Variants in PTPRM observed in about 807,000 individuals in gnomAD.
PTPRM encodes the protein receptor-type tyrosine-protein phosphatase mu.
A neutral mutation model predicts 186.7 loss-of-function variants in PTPRM; 47 were observed. That is an observed-to-expected ratio of 0.25 (90% confidence interval 0.20 to 0.32). The LOEUF (loss-of-function observed/expected upper bound fraction) is 0.32, where lower values mean the gene tolerates loss of function less well. Ranked by LOEUF, PTPRM falls within the 10% of genes least tolerant of loss-of-function variation. PTPRM has a pLI of 1.00. For synonymous variants in PTPRM, 668 were observed against 674.9 expected, an observed-to-expected ratio of 0.99 and a Z score of 0.16; for missense variants, 1,494 against 1,865.0, an observed-to-expected ratio of 0.80 and a Z score of 3.66.
chr18:8,278,491 T>C (rs912857792), intron 19 of PTPRM, among the ~76,000 whole-genome samples: 11 of 152,212 alleles, frequency 7.2e-5, no homozygotes, highest in African/African-American at 2.7e-4. Flanking sequence ...TCATTAAACC[T>C]CACCCTTCAC....
At chr18:7,815,138 A>T (rs2044741351) in intron 2 of PTPRM, 1 of 152,224 alleles carries the variant, frequency 6.6e-6, no homozygotes, top group African/African-American at 2.4e-5. Context: ...ACCCAACATG[A>T]TTGCCTAGCC....
At chr18:8,250,218 A>G (rs72911291) in intron 17 of PTPRM, among the ~76,000 whole-genome samples, 6,602 of 152,192 alleles carry the variant, frequency 0.043, 190 homozygotes, top group Non-Finnish European at 0.07. Context: ...GCTTGCAAAA[A>G]TGTAGATGAT....
chr18:8,055,339 A>C (rs1024868175), intron 7 of PTPRM, among the ~76,000 whole-genome samples: 1 of 151,882 alleles, frequency 6.6e-6, no homozygotes, highest in African/African-American at 2.4e-5. Flanking sequence ...TTTCTGTGCT[A>C]CATTCTAGAT....
At chr18:7,627,680 A>T (rs2038093878) in intron 1 of PTPRM, among the ~76,000 whole-genome samples, 1 of 152,242 alleles carries the variant, frequency 6.6e-6, no homozygotes, top group African/African-American at 2.4e-5. Context: ...CACCAGAGGC[A>T]TGGGAGTTGA....
intron 31 of PTPRM, among the ~76,000 whole-genome samples, chr18:8,392,160 G>A (rs1026427828): frequency 1.3e-5 from 2 of 152,036 alleles, no homozygotes; most frequent in African/African-American, 4.8e-5. Flanking sequence ...CCTAGATGTG[G>A]ATTTTTTAAA....
rs184032592 is a variant in PTPRM, at chr18:8,137,054, G to A, written c.2168-6593G>A. 3.9e-3 allele frequency among the ~76,000 whole-genome samples: 588 copies of A among 152,286 alleles called. 2 individuals carry two copies. Among genetic ancestry groups the A allele is most frequent in the African/African-American group, 0.013 (560 of 41,550 alleles). On this transcript the variant is annotated intron_variant, in intron 13 of 32. Coordinates refer to ENST00000580170, the MANE Select transcript of PTPRM (RefSeq NM_001105244.2). ...TTATCTTTTGGGACCAGTGCTCTTT[G>A]AAACGCACTTGAAGGAACAATATTT... is the stretch of plus-strand genomic sequence containing the variant.
intron 14 of PTPRM, among the ~76,000 whole-genome samples, chr18:8,161,552 A>G (rs1296526330): frequency 6.6e-6 from 1 of 152,130 alleles, no homozygotes; most frequent in Non-Finnish European, 1.5e-5. Context: ...TAAGTGTTCT[A>G]ACTTTTTGGT....
intron 14 of PTPRM, among the ~76,000 whole-genome samples, chr18:8,173,580 C>T (rs534438452): frequency 6.6e-5 from 10 of 152,180 alleles, no homozygotes; most frequent in Non-Finnish European, 1.3e-4. Context: ...ACAATTGACA[C>T]GAGGTCGGCT....
chr18:7,583,391 GGCTACA>G (rs1329477869), intron 1 of PTPRM, among the ~76,000 whole-genome samples: 1 of 152,152 alleles, frequency 6.6e-6, no homozygotes, highest in African/African-American at 2.4e-5. Flanking sequence ...CATGGACAGT[GGCTACA>G]GCTGATTTTA....
intron 1 of PTPRM, among the ~76,000 whole-genome samples, chr18:7,573,727 T>G (rs1235162160): frequency 6.6e-6 from 1 of 152,012 alleles, no homozygotes; most frequent in African/African-American, 2.4e-5. Flanking sequence ...GTGGCTGGAA[T>G]TACAGGTGCC....
At position 8,114,679 on chromosome 18, in the gene PTPRM, C is replaced by T; in HGVS notation, c.2131-112C>T. On this transcript the variant is annotated intron_variant, in intron 12 of 32. Transcript: ENST00000580170. ...ATTGCTGTGTGATTAAAGACACGCT[C>T]AGAACAGTGAGATCCTTCCTTATCA... 3.5e-6 allele frequency: 3 copies of T among 866,364 alleles called. 1 individual carries two copies. The highest frequency in any genetic ancestry group is 6.6e-4 in the Middle Eastern group (2 of 3,046). 53.7% of individuals were successfully genotyped at this position (866,364 alleles called of 1,614,324 possible).
chr18:8,305,018 G>A (rs1188479145), intron 20 of PTPRM, among the ~76,000 whole-genome samples: 1 of 152,072 alleles, frequency 6.6e-6, no homozygotes, highest in South Asian at 2.1e-4. Flanking sequence ...ATACCTACAC[G>A]TACACCAATG....
chr18:8,364,320 T>C (rs913548223), intron 23 of PTPRM, among the ~76,000 whole-genome samples: 1 of 152,142 alleles, frequency 6.6e-6, no homozygotes, highest in Non-Finnish European at 1.5e-5. Context: ...GTGGAAGTCA[T>C]GGAAGTCACC....
intron 14 of PTPRM, among the ~76,000 whole-genome samples, chr18:8,218,539 T>C (rs901092860): frequency 2.6e-5 from 4 of 152,214 alleles, no homozygotes; most frequent in Non-Finnish European, 4.4e-5. Flanking sequence ...AACTGTCTAT[T>C]AACTTCTGTA....
intron 1 of PTPRM, among the ~76,000 whole-genome samples, chr18:7,649,440 T>G (rs755633833): frequency 6.6e-6 from 1 of 152,204 alleles, no homozygotes; most frequent in Non-Finnish European, 1.5e-5. Flanking sequence ...CTCTGATTGA[T>G]CTGGGCAAAG....
chr18:7,984,753 A>G (rs1047509053), intron 7 of PTPRM, among the ~76,000 whole-genome samples: 6 of 140,924 alleles, frequency 4.3e-5, no homozygotes, highest in African/African-American at 1.6e-4. Flanking sequence ...AAAATTATAT[A>G]CACATATATA....
intron 14 of PTPRM, among the ~76,000 whole-genome samples, chr18:8,206,315 C>T (rs935220540): frequency 1.3e-4 from 20 of 150,586 alleles, no homozygotes; most frequent in Non-Finnish European, 1.8e-4. Context: ...AGTGCAGTCG[C>T]GCCATCTCGG....
intron 23 of PTPRM, among the ~76,000 whole-genome samples, chr18:8,356,286 T>G (rs2095562925): frequency 6.6e-6 from 1 of 151,926 alleles, no homozygotes. Flanking sequence ...ATTTATAAGG[T>G]GAAAGACCCT....
chr18:7,704,708 A>C (rs1380526481), intron 1 of PTPRM, among the ~76,000 whole-genome samples: 1 of 152,170 alleles, frequency 6.6e-6, no homozygotes, highest in African/African-American at 2.4e-5. Flanking sequence ...ATATTTTAAA[A>C]CATGAACGGA....
Sources: allele counts gnomAD v4.1 joint callset (sites outside exome capture counted in the v4.1 genomes callset), GRCh38; gene constraint gnomAD v4.1.1; transcripts MANE v1.5; gene names NCBI Gene and HGNC (gene_info 2026-07-23, HGNC 2026-07-21).